JAKMIP3: variants seen among roughly 807,000 people sequenced by gnomAD.
JAKMIP3 encodes janus kinase and microtubule-interacting protein 3.
In JAKMIP3, 58 loss-of-function variants were observed where a neutral mutation model predicts 118.5. The ratio of observed to expected loss-of-function variants is 0.49; its 90% CI spans 0.40 to 0.61. The LOEUF is 0.61. Ranked by LOEUF, JAKMIP3 falls within the 20% of genes least tolerant of loss-of-function variation. JAKMIP3 has a pLI of 0.00. For missense variants in JAKMIP3, 950 were observed against 1,109.0 expected (o/e 0.86, Z 2.04); for synonymous variants, 486 against 451.2 (o/e 1.08, Z -0.98).
intron 1 of JAKMIP3, among the ~76,000 whole-genome samples, chr10:132,081,474 C>T (rs11146150): frequency 0.032 from 4,827 of 152,228 alleles, 257 homozygotes; most frequent in African/African-American, 0.11. Context: ...CACAGTGTTG[C>T]CTGCATCACA....
At chr10:132,043,819 A>C (rs1487692402) in intron 1 of JAKMIP3, among the ~76,000 whole-genome samples, 1 of 152,212 alleles carries the variant, frequency 6.6e-6, no homozygotes, top group Non-Finnish European at 1.5e-5. Context: ...CGTCGGTGTT[A>C]ATGATCTCCT....
intron 1 of JAKMIP3, among the ~76,000 whole-genome samples, chr10:132,053,369 G>A (rs2038149405): frequency 6.6e-6 from 1 of 152,192 alleles, no homozygotes; most frequent in African/African-American, 2.4e-5. Context: ...CTAAGGGTTT[G>A]AACAGGGGAG....
intron 13 of JAKMIP3, among the ~76,000 whole-genome samples, chr10:132,147,553 C>T (rs111320644): frequency 2.7e-4 from 41 of 152,374 alleles, no homozygotes; most frequent in African/African-American, 8.2e-4. Context: ...TTACCCTCCA[C>T]GGCCTCCCTT....
intron 1 of JAKMIP3, among the ~76,000 whole-genome samples, chr10:132,041,845 TTTTC>T (rs754772755): frequency 4.6e-5 from 7 of 152,136 alleles, no homozygotes; most frequent in African/African-American, 1.2e-4. Context: ...CTATCCTTTC[TTTTC>T]TTTCTTTTTT....
In JAKMIP3 at chr10:132,049,955, G is replaced by A. The variant is rs144112077; in HGVS notation, c.-138+13217G>A. Among the ~76,000 whole-genome samples the A allele has an allele frequency of 3.9e-4, 59 of 152,302 alleles. No homozygotes were observed. Among genetic ancestry groups the A allele is most frequent in the Admixed American group, 1.4e-3 (22 of 15,294 alleles). On this transcript the variant is annotated intron_variant, in intron 1 of 23. Coordinates refer to the JAKMIP3 transcript ENST00000657785. The surrounding 1 kb of genome is among the most constrained non-coding windows in gnomAD (Gnocchi z 4.3). ...AGCCTGGCGATGTCCACACATTTTA[G>A]TGAGGTTTTTTTGTTTCGTTTTGAT...
At chr10:132,054,656 G>GGA (rs1171632375) in intron 1 of JAKMIP3, among the ~76,000 whole-genome samples, 1 of 152,074 alleles carries the variant, frequency 6.6e-6, no homozygotes, top group Admixed American at 6.5e-5. Flanking sequence ...GATTAAGGGA[G>GGA]GAGGGGGTCA....
At chr10:132,063,769 T>C (rs1234608875), upstream of JAKMIP3, among the ~76,000 whole-genome samples, 2 of 152,184 alleles carry the variant, frequency 1.3e-5, no homozygotes, top group Admixed American at 1.3e-4. Flanking sequence ...CTAAAAATAT[T>C]GTTTCCAATT....
At chr10:132,171,614 C>G (rs2059487820) in intron 23 of JAKMIP3, among the ~76,000 whole-genome samples, 1 of 151,844 alleles carries the variant, frequency 6.6e-6, no homozygotes, top group Non-Finnish European at 1.5e-5. Flanking sequence ...TACCCTTCAG[C>G]CTGCTTCCCC....
At chr10:132,064,882 G>T (rs9419175), upstream of JAKMIP3, among the ~76,000 whole-genome samples, 11 of 152,192 alleles carry the variant, frequency 7.2e-5, no homozygotes, top group African/African-American at 2.4e-4. The surrounding 1 kb of genome is among the most constrained non-coding windows in gnomAD (Gnocchi z 4.4). Flanking sequence ...GATGCCTGCC[G>T]GTCTCAGCTT....
intron 1 of JAKMIP3, among the ~76,000 whole-genome samples, chr10:132,074,690 C>T (rs1240516083): frequency 1.3e-5 from 2 of 152,136 alleles, no homozygotes. Context: ...GTTTAAGTCC[C>T]ATTTGTCTAT....
Position 132,117,666 on chromosome 10 carries a change from T to C in JAKMIP3, c.633+92T>C, listed in dbSNP as rs2047926442. 2 of 1,255,512 alleles carry C rather than the reference T, an allele frequency of 1.6e-6. No homozygotes were observed. The highest frequency in any genetic ancestry group is 3.0e-5 in the East Asian group (1 of 33,822). The allele number at this position is 1,255,512 out of a possible 1,614,324, so 77.8% of individuals were successfully genotyped here. A position where few individuals can be genotyped will look rare whatever the true frequency, so the allele number is the denominator to read the frequency against. On this transcript the variant is annotated intron_variant, in intron 3 of 23. Coordinates refer to ENST00000684848, the MANE Select transcript of JAKMIP3 (RefSeq NM_001323087.2). This position sits in a 1 kb window ranked among gnomAD's most constrained non-coding sequence, Gnocchi z 8.6. ...GCGGGCGTGGGCGAGGGTGCAGGCGTGGGCTCGGGGAGCACGCGGGCAGCA... is the reference window on the plus strand; with the variant it reads ...GCGGGCGTGGGCGAGGGTGCAGGCGCGGGCTCGGGGAGCACGCGGGCAGCA...
intron 1 of JAKMIP3, among the ~76,000 whole-genome samples, chr10:132,068,567 G>A (rs1414414410): frequency 6.6e-6 from 1 of 152,234 alleles, no homozygotes; most frequent in African/African-American, 2.4e-5. Flanking sequence ...CCCAAGCTGG[G>A]CTTTGAGCGA....
chr10:132,061,953 G>A (rs534923549), upstream of JAKMIP3, among the ~76,000 whole-genome samples: 80 of 152,314 alleles, frequency 5.3e-4, no homozygotes, highest in Admixed American at 7.2e-4. Context: ...GGTAGACAAA[G>A]ACTAGCCGAG....
chr10:132,065,578 G>A (rs997508397), upstream of JAKMIP3, among the ~76,000 whole-genome samples: 2 of 152,148 alleles, frequency 1.3e-5, no homozygotes, highest in African/African-American at 4.8e-5. The surrounding 1 kb of genome is among the most constrained non-coding windows in gnomAD (Gnocchi z 5.6). Context: ...CGTGGCCTCT[G>A]CCGCTCGCTG....
At chr10:132,048,395 T>TGCTGTATC (rs1485452434) in intron 1 of JAKMIP3, among the ~76,000 whole-genome samples, 1 of 152,214 alleles carries the variant, frequency 6.6e-6, no homozygotes, top group Non-Finnish European at 1.5e-5. Flanking sequence ...CCCTGCGATT[T>TGCTGTATC]GCTGTAAGGA....
intron 16 of JAKMIP3, among the ~76,000 whole-genome samples, chr10:132,150,924 A>C (rs1464705399): frequency 1.3e-5 from 2 of 150,934 alleles, no homozygotes; most frequent in African/African-American, 4.9e-5. Flanking sequence ...TTTATCCATC[A>C]TCCACAATCT....
chr10:132,142,454 G>A (rs1367140441), intron 11 of JAKMIP3, among the ~76,000 whole-genome samples: 12 of 151,636 alleles, frequency 7.9e-5, no homozygotes, highest in Admixed American at 5.2e-4. Flanking sequence ...ATCCTCAAAG[G>A]CTGAGCTCAC....
At position 132,133,360 on chromosome 10, in the gene JAKMIP3, G is replaced by T. The variant is rs772347775; in HGVS notation, c.682G>T (p.Glu228Ter). 6.2e-7 allele frequency: 1 copy of T among 1,602,266 alleles called. No homozygotes were observed. The highest frequency in any genetic ancestry group is 1.3e-5 in the African/African-American group (1 of 74,732). ...KDRAVFVLER[E>*]LGVQAGHAQR... ...CAGAGCAGTCTTCGTGCTGGAGAGAGAGTTAGGGGTTCAAGCCGGGCATGC... is the reference window on the plus strand; with the variant it reads ...CAGAGCAGTCTTCGTGCTGGAGAGATAGTTAGGGGTTCAAGCCGGGCATGC... The change falls in exon 4 of 24, where the codon GAG (glutamate) becomes TAG (stop). Residue 228 changes from glutamate to a stop codon, truncating the protein, a stop_gained. Transcript: ENST00000684848. LOFTEE classifies it high-confidence loss of function.
At chr10:132,130,725 G>A (rs775810466) in intron 3 of JAKMIP3, among the ~76,000 whole-genome samples, 19 of 152,234 alleles carry the variant, frequency 1.2e-4, no homozygotes, top group Non-Finnish European at 2.2e-4. Flanking sequence ...GGGTGATGAC[G>A]TGGCCTGTGT....
Sources: allele counts gnomAD v4.1 joint callset (sites outside exome capture counted in the v4.1 genomes callset), GRCh38; gene constraint gnomAD v4.1.1; non-coding constraint Gnocchi (gnomAD v3.1); transcripts MANE v1.5; gene names NCBI Gene and HGNC (gene_info 2026-07-23, HGNC 2026-07-21).